BBOX1: variants seen among roughly 807,000 people sequenced by gnomAD.
The protein encoded by BBOX1 is gamma-butyrobetaine dioxygenase.
BBOX1 carries 35 observed loss-of-function variants against 41.6 expected under a neutral mutation model. The observed-to-expected ratio is 0.84, with a 90% confidence interval of 0.64 to 1.11. The LOEUF (loss-of-function observed/expected upper bound fraction) is 1.11. Among genes scored for constraint, BBOX1 ranks in the 50% most tolerant of loss-of-function variants. The probability of loss-of-function intolerance (pLI) is 0.00; values close to 1 mark genes in which losing one functional copy is unlikely to be tolerated. For synonymous variants in BBOX1, 163 were observed against 154.7 expected, an observed-to-expected ratio of 1.05 and a Z score of -0.40; for missense variants, 458 against 460.6, an observed-to-expected ratio of 0.99 and a Z score of 0.05.
intron 5 of BBOX1, among the ~76,000 whole-genome samples, chr11:27,115,027 G>A (rs1025177379): frequency 6.6e-6 from 1 of 151,802 alleles, no homozygotes; most frequent in African/African-American, 2.4e-5. Flanking sequence ...TAATATAAAC[G>A]TTTTGAAACT....
intron 5 of BBOX1, among the ~76,000 whole-genome samples, chr11:27,099,672 A>G (rs1858573558): frequency 6.6e-6 from 1 of 152,124 alleles, no homozygotes; most frequent in African/African-American, 2.4e-5. Flanking sequence ...GAAGCAGTCT[A>G]ATCATGGCTT....
At chr11:27,050,048 G>A (rs1180640462) in intron 2 of BBOX1, among the ~76,000 whole-genome samples, 1 of 151,926 alleles carries the variant, frequency 6.6e-6, no homozygotes, top group Non-Finnish European at 1.5e-5. Context: ...GTGAGATGAG[G>A]GTCCAATTTT....
intron 4 of BBOX1, among the ~76,000 whole-genome samples, chr11:27,084,302 A>G (rs1857956834): frequency 6.6e-6 from 1 of 152,082 alleles, no homozygotes; most frequent in African/African-American, 2.4e-5. Context: ...TTAATTCCCC[A>G]TCTTCTATGA....
chr11:27,107,305 G>C (rs150369987), intron 5 of BBOX1, among the ~76,000 whole-genome samples: 2,377 of 152,118 alleles, frequency 0.016, 81 homozygotes, highest in African/African-American at 0.054. Flanking sequence ...CCAGGAGCTG[G>C]TTTTTTTAAA....
At chr11:27,082,107 G>C (rs1461692878) in intron 4 of BBOX1, among the ~76,000 whole-genome samples, 1 of 152,160 alleles carries the variant, frequency 6.6e-6, no homozygotes, top group Non-Finnish European at 1.5e-5. Context: ...ACAGCACCAA[G>C]TGGATGGTGC....
intron 3 of BBOX1, among the ~76,000 whole-genome samples, chr11:27,056,468 G>A (rs1856983206): frequency 6.6e-6 from 1 of 151,972 alleles, no homozygotes; most frequent in African/African-American, 2.4e-5. Flanking sequence ...ATGTTAACCA[G>A]GCTGGTCTCA....
chr11:27,125,705 G>A lies in BBOX1; in HGVS notation c.888G>A (p.Arg296=). The A allele has an allele frequency of 1.2e-6, 2 of 1,609,048 alleles. No individual in the cohort carries two copies. The highest frequency in any genetic ancestry group is 1.7e-6 in the Non-Finnish European group (2 of 1,177,252). The change falls in exon 8 of 9, where the codon AGG becomes AGA. Residue 296 remains arginine, a synonymous_variant. Coordinates refer to ENST00000263182, the MANE Select transcript of BBOX1 (RefSeq NM_003986.3). ...VVRINFNNAT[R]DTIFDVPVER... Reference sequence around the variant, plus strand: ...GCATCAACTTCAATAACGCAACTAGGGACACAATATTTGATGTGCCTGTTG... The same window carrying A: ...GCATCAACTTCAATAACGCAACTAGAGACACAATATTTGATGTGCCTGTTG...
rs191744331 is a variant in BBOX1 at position 27,074,136 on chromosome 11, C to A, written c.334+16821C>A. On this transcript the variant is annotated intron_variant, in intron 4 of 8. Coordinates refer to ENST00000263182, the MANE Select transcript of BBOX1 (RefSeq NM_003986.3). ...ACCATGTGAAAAAGATGCTTGCTTCCCCTTCACCTTCCACCATGACTGTAA... is the reference window on the plus strand; with the variant it reads ...ACCATGTGAAAAAGATGCTTGCTTCACCTTCACCTTCCACCATGACTGTAA... Among the ~76,000 whole-genome samples the A allele has an allele frequency of 8.5e-5, 13 of 152,076 alleles. No homozygotes were observed. In the East Asian group the frequency reaches 2.5e-3, roughly 29 times the overall value.
chr11:27,064,279 T>C (rs1857218241), intron 4 of BBOX1, among the ~76,000 whole-genome samples: 1 of 152,152 alleles, frequency 6.6e-6, no homozygotes, highest in Non-Finnish European at 1.5e-5. Context: ...CAAACAGCCC[T>C]GTCAAAACAG....
chr11:27,121,313 G>A (rs1859456017), intron 7 of BBOX1, among the ~76,000 whole-genome samples: 1 of 152,160 alleles, frequency 6.6e-6, no homozygotes, highest in Admixed American at 6.6e-5. Context: ...ACAAGTTCCT[G>A]TAGAGTCTTG....
At chr11:27,115,674 T>C (rs1350164939) in intron 6 of BBOX1, 117 bp downstream of exon 6, 1 of 825,102 alleles carries the variant, frequency 1.2e-6, no homozygotes, top group Non-Finnish European at 1.8e-6. Context: ...AAATTTTTTC[T>C]CCAAACACAA....
intron 5 of BBOX1, 47 bp from the exon 6 acceptor site, chr11:27,115,405 T>C: frequency 1.4e-6 from 2 of 1,465,418 alleles, no homozygotes; most frequent in East Asian, 4.8e-5. Flanking sequence ...GCATTTCCTC[T>C]GGCTTAGTGA....
chr11:27,043,935 T>A (rs1348180044), intron 2 of BBOX1, among the ~76,000 whole-genome samples: 1 of 152,168 alleles, frequency 6.6e-6, no homozygotes. Flanking sequence ...GTAGAATGAT[T>A]TATAATCCTT....
chr11:27,085,555 ATCTCTCTCTCTCTCTC>A (rs59696795), intron 4 of BBOX1, among the ~76,000 whole-genome samples: 1 of 134,832 alleles, frequency 7.4e-6, no homozygotes, highest in Middle Eastern at 3.9e-3. Context: ...ACATTCCCCC[ATCTCTCTCTCTCTCTC>A]TCTCTCTCTC....
At chr11:27,121,752 T>C (rs1218448676) in intron 7 of BBOX1, among the ~76,000 whole-genome samples, 1 of 152,200 alleles carries the variant, frequency 6.6e-6, no homozygotes, top group Non-Finnish European at 1.5e-5. Flanking sequence ...TTAGTTATAA[T>C]GTGACAGTTT....
intron 2 of BBOX1, among the ~76,000 whole-genome samples, chr11:27,049,349 G>T (rs1264049340): frequency 1.3e-5 from 2 of 151,952 alleles, no homozygotes; most frequent in African/African-American, 4.8e-5. Context: ...TTATATACCT[G>T]CTGGCCATTT....
chr11:27,072,357 C>G (rs1196224366), intron 4 of BBOX1, among the ~76,000 whole-genome samples: 1 of 152,118 alleles, frequency 6.6e-6, no homozygotes, highest in Non-Finnish European at 1.5e-5. Context: ...AGGAATCCAA[C>G]TTACAGGGGA....
chr11:27,118,285 A>G (rs1435638011), intron 6 of BBOX1, among the ~76,000 whole-genome samples: 1 of 152,068 alleles, frequency 6.6e-6, no homozygotes, highest in East Asian at 1.9e-4. Context: ...TAAAATGTCT[A>G]GATTCTACTA....
chr11:27,089,525 G>C (rs897206273), intron 4 of BBOX1, among the ~76,000 whole-genome samples: 1 of 152,110 alleles, frequency 6.6e-6, no homozygotes. Context: ...CATAGGAATA[G>C]AAAATACATT....
Sources: allele counts gnomAD v4.1 joint callset (sites outside exome capture counted in the v4.1 genomes callset), GRCh38; gene constraint gnomAD v4.1.1; transcripts MANE v1.5; gene names NCBI Gene and HGNC (gene_info 2026-07-23, HGNC 2026-07-21).